GPC3: variants seen among roughly 807,000 people sequenced by gnomAD.
The protein encoded by GPC3 is glypican-3.
A neutral mutation model predicts 34.4 loss-of-function variants in GPC3; 3 were observed. The ratio of observed to expected loss-of-function variants is 0.09; its 90% CI spans 0.04 to 0.23. The LOEUF (loss-of-function observed/expected upper bound fraction) is 0.23, where lower values mean the gene tolerates loss of function less well. GPC3 is among the 10% of genes least tolerant of loss of function. The probability of loss-of-function intolerance (pLI) is 1.00; values close to 1 mark genes in which losing one functional copy is unlikely to be tolerated. For synonymous variants in GPC3, 177 were observed against 174.0 expected (o/e 1.02, Z -0.13); for missense variants, 351 against 445.6 (o/e 0.79, Z 1.91).
chrX:133,549,425 T>A (rs962230323), intron 7 of GPC3, among the ~76,000 whole-genome samples: 2 of 111,492 alleles, frequency 1.8e-5, no homozygotes, highest in Non-Finnish European at 3.8e-5. Flanking sequence ...GAGTCCTAAT[T>A]CCTGAGCATG....
chrX:133,817,174 A>T (rs1267144719), intron 2 of GPC3, among the ~76,000 whole-genome samples: 1 of 111,663 alleles, frequency 9.0e-6, no homozygotes, highest in Non-Finnish European at 1.9e-5. Flanking sequence ...TATATCTAGT[A>T]CATGACCATT....
chrX:133,873,678 G>A (rs968581588), intron 2 of GPC3, among the ~76,000 whole-genome samples: 12 of 111,215 alleles, frequency 1.1e-4, no homozygotes, highest in South Asian at 3.9e-4. Flanking sequence ...TCAGTTTGCC[G>A]AATAAGAATG....
intron 7 of GPC3, among the ~76,000 whole-genome samples, chrX:133,594,515 A>G (rs931505882): frequency 3.6e-5 from 4 of 112,473 alleles, no homozygotes; most frequent in Admixed American, 2.8e-4. Context: ...GTACATACAT[A>G]CAATGGAATA....
intron 1 of GPC3, among the ~76,000 whole-genome samples, chrX:133,971,460 G>A (rs2076492835): frequency 8.9e-6 from 1 of 111,781 alleles, no homozygotes; most frequent in Non-Finnish European, 1.9e-5. Flanking sequence ...AGACAGAAGT[G>A]GAGAAGGCAG....
intron 2 of GPC3, among the ~76,000 whole-genome samples, chrX:133,825,373 A>G (rs2075741312): frequency 8.9e-6 from 1 of 112,091 alleles, no homozygotes; most frequent in Non-Finnish European, 1.9e-5. Flanking sequence ...AAGGAGCAGA[A>G]TGGAAGTGGA....
chrX:133,807,799 C>T (rs902809414), intron 2 of GPC3, among the ~76,000 whole-genome samples: 1 of 112,528 alleles, frequency 8.9e-6, no homozygotes, highest in Non-Finnish European at 1.9e-5. Context: ...TCTCTACTGC[C>T]GTGATCCCCA....
rs761985448 is a variant in GPC3, at chrX:133,643,475, A to AT, written c.1413+18254dup. On this transcript the variant is annotated intron_variant, in intron 6 of 7. Transcript: ENST00000370818. ...AGTTTATTTAAGTGAAAATTGATTT[A>AT]TTTTTTCTGATTTAAAAAAATAATT... Among the ~76,000 whole-genome samples, 78 of 111,859 alleles carry AT rather than the reference A, an allele frequency of 7.0e-4. 1 individual carries two copies. Among genetic ancestry groups the AT allele is most frequent in the African/African-American group, 2.4e-3 (73 of 30,804 alleles).
At chrX:133,741,400 G>A (rs774964250) in intron 3 of GPC3, among the ~76,000 whole-genome samples, 6 of 111,377 alleles carry the variant, frequency 5.4e-5, no homozygotes, top group East Asian at 2.8e-4. Context: ...AAGGCCACAC[G>A]TAGAAAACAG....
chrX:133,963,356 T>C (rs947810784), intron 1 of GPC3, among the ~76,000 whole-genome samples: 8 of 112,281 alleles, frequency 7.1e-5, no homozygotes, highest in African/African-American at 2.6e-4. Context: ...AGCTGTGTGA[T>C]CTTAGGCAAG....
In GPC3 at chrX:133,692,407, G is replaced by A. The variant is rs150766741; in HGVS notation, c.1254C>T (p.Asn418=). The change falls in exon 5 of 8, where the codon AAC becomes AAT. Residue 418 remains asparagine, a synonymous_variant. Coordinates refer to ENST00000370818, the MANE Select transcript of GPC3 (RefSeq NM_004484.4). ...CTTGTCCATTCCAGCAAAGGGTGTC[G>A]TTTTCCGCCACAGGGCTATGGCTGC... The part of the protein sequence containing the change: ...YICSHSPVAE[N]DTLCWNGQEL... The A allele has an allele frequency of 8.9e-5, 108 of 1,209,579 alleles. No homozygotes were observed. The African/African-American group carries it at 9.4e-4, about 11-fold the overall frequency.
intron 2 of GPC3, among the ~76,000 whole-genome samples, chrX:133,898,360 C>A (rs1300182904): frequency 8.9e-6 from 1 of 111,855 alleles, no homozygotes; most frequent in East Asian, 2.8e-4. Flanking sequence ...ATCTTATCAA[C>A]CCCAAATTCC....
intron 7 of GPC3, among the ~76,000 whole-genome samples, chrX:133,570,966 G>T (rs1042347078): frequency 9.0e-6 from 1 of 111,524 alleles, no homozygotes; most frequent in Non-Finnish European, 1.9e-5. Context: ...GAAAGTCTGT[G>T]ATTTTATTAT....
chrX:133,668,653 A>G (rs1010854407), intron 5 of GPC3, among the ~76,000 whole-genome samples: 7 of 111,026 alleles, frequency 6.3e-5, no homozygotes, highest in Admixed American at 3.8e-4. Flanking sequence ...AGCACTGAAG[A>G]AAAAGAAAAC....
At position 133,678,832 on chromosome X, in the gene GPC3, G is replaced by A. The variant is rs745860544; in HGVS notation, c.1292+13537C>T. Among the ~76,000 whole-genome samples the A allele has an allele frequency of 8.0e-5, 9 of 112,135 alleles. No individual in the cohort carries two copies. The East Asian group carries it at 1.7e-3, about 21-fold the overall frequency. Reference sequence around the variant, plus strand: ...TCTCCAGGGGAACATTAGCCAATTTGAGGAGGATGGTCTTTAGCAGGATAG... The same window carrying A: ...TCTCCAGGGGAACATTAGCCAATTTAAGGAGGATGGTCTTTAGCAGGATAG... On this transcript the variant is annotated intron_variant, in intron 5 of 7. Coordinates refer to ENST00000370818, the MANE Select transcript of GPC3 (RefSeq NM_004484.4).
chrX:133,710,951 G>T (rs1385119200), intron 3 of GPC3, among the ~76,000 whole-genome samples: 2 of 111,869 alleles, frequency 1.8e-5, no homozygotes, highest in Non-Finnish European at 3.8e-5. Flanking sequence ...TTAATGTGCA[G>T]ATTAAAAGAG....
rs2069915768 is a variant in GPC3 at position 133,596,451 on chromosome X, C to T, written c.1562G>A (p.Arg521His). 12 of 1,208,139 alleles carry T rather than the reference C, an allele frequency of 9.9e-6. No homozygotes were observed. The highest frequency in any genetic ancestry group is 3.0e-5 in the East Asian group (1 of 33,826). ...DGMIKVKNQLRFLAELAYDLD... is the reference protein window; with the variant it reads ...DGMIKVKNQLHFLAELAYDLD... ...CACTAATCAGTTACCTGCAAGGAAGCGGAGCTGATTCTTCACTTTTATCAT... is the reference window on the plus strand; with the variant it reads ...CACTAATCAGTTACCTGCAAGGAAGTGGAGCTGATTCTTCACTTTTATCAT... Residue 521 changes from arginine to histidine, a missense_variant, in exon 7 of 8, where the codon CGC becomes CAC. Arg to His is a conservative substitution (Grantham distance 29). Transcript: ENST00000370818.
chrX:133,634,787 A>C (rs774632900), intron 6 of GPC3, among the ~76,000 whole-genome samples: 3 of 111,985 alleles, frequency 2.7e-5, no homozygotes, highest in Non-Finnish European at 5.6e-5. Context: ...AATTCAGGAA[A>C]ACATTTTGCA....
chrX:133,720,732 T>C (rs1397239722), intron 3 of GPC3, among the ~76,000 whole-genome samples: 1 of 111,480 alleles, frequency 9.0e-6, no homozygotes, highest in Non-Finnish European at 1.9e-5. Context: ...AATAATGACA[T>C]TTGCAGCAAG....
intron 2 of GPC3, among the ~76,000 whole-genome samples, chrX:133,812,404 A>G (rs1165018409): frequency 1.8e-5 from 2 of 112,298 alleles, no homozygotes; most frequent in Non-Finnish European, 3.8e-5. Context: ...ATGTATACAG[A>G]TATACAGATG....
Sources: allele counts gnomAD v4.1 joint callset (sites outside exome capture counted in the v4.1 genomes callset), GRCh38; gene constraint gnomAD v4.1.1; transcripts MANE v1.5; gene names NCBI Gene and HGNC (gene_info 2026-07-23, HGNC 2026-07-21).